PCSK5: variants seen among roughly 807,000 people sequenced by gnomAD.
PCSK5 encodes the protein prohormone convertase 5.
In PCSK5, 129 loss-of-function variants were observed where a neutral mutation model predicts 233.2. That is an observed-to-expected ratio of 0.55 (90% CI 0.48 to 0.64). The LOEUF (loss-of-function observed/expected upper bound fraction) is 0.64, where lower values mean the gene tolerates loss of function less well. Ranked by LOEUF, PCSK5 falls within the 30% of genes least tolerant of loss-of-function variation. PCSK5 has a pLI of 0.00. For synonymous variants in PCSK5, 825 were observed against 879.2 expected (o/e 0.94, Z 1.09); for missense variants, 2,076 against 2,430.1 (o/e 0.85, Z 3.06).
At chr9:75,963,421 C>T (rs1437604566) in intron 2 of PCSK5, among the ~76,000 whole-genome samples, 2 of 152,230 alleles carry the variant, frequency 1.3e-5, no homozygotes, top group Non-Finnish European at 2.9e-5. Context: ...AGAGCGGCAT[C>T]TTCACCTGAA....
intron 5 of PCSK5, among the ~76,000 whole-genome samples, chr9:76,033,904 G>A (rs1488095047): frequency 1.3e-5 from 2 of 152,058 alleles, no homozygotes; most frequent in Admixed American, 6.6e-5. Flanking sequence ...ACACCAACAT[G>A]TTAGGGATTA....
At chr9:76,151,948 G>T (rs1468847805) in intron 10 of PCSK5, among the ~76,000 whole-genome samples, 1 of 152,146 alleles carries the variant, frequency 6.6e-6, no homozygotes, top group East Asian at 1.9e-4. Context: ...CAACCTGAGT[G>T]ATATAATAAT....
At chr9:75,944,401 T>C (rs1463709396) in intron 2 of PCSK5, among the ~76,000 whole-genome samples, 1 of 152,060 alleles carries the variant, frequency 6.6e-6, no homozygotes, top group Non-Finnish European at 1.5e-5. Flanking sequence ...GCCTGATTTT[T>C]AAAAACGATA....
chr9:76,054,882 A>G (rs75213505), intron 5 of PCSK5, among the ~76,000 whole-genome samples: 2,369 of 152,290 alleles, frequency 0.016, 36 homozygotes, highest in Middle Eastern at 0.027. Context: ...TTAACTCACC[A>G]TAAGAAATAT....
intron 12 of PCSK5, among the ~76,000 whole-genome samples, chr9:76,164,840 A>C (rs1236994706): frequency 6.6e-6 from 1 of 152,128 alleles, no homozygotes; most frequent in African/African-American, 2.4e-5. Flanking sequence ...AATGAATTAA[A>C]TCTTGAGGAA....
chr9:76,238,948 T>C lies in PCSK5; in HGVS notation c.2867-11T>C. On this transcript the variant is annotated splice_polypyrimidine_tract_variant and intron_variant, in intron 22 of 37. Coordinates refer to ENST00000674117, the MANE Select transcript of PCSK5 (RefSeq NM_001372043.1). ...ATTTTCCCTCTTTTCGTTGCCCCTG[T>C]AACTGATCAGACAACTATGGCCGAG... The C allele has an allele frequency of 6.2e-7, 1 of 1,604,952 alleles. No individual in the cohort carries two copies. Among genetic ancestry groups the C allele is most frequent in the Non-Finnish European group, 8.5e-7 (1 of 1,173,384 alleles).
At chr9:76,354,610 T>C (rs1173074066) in intron 37 of PCSK5, among the ~76,000 whole-genome samples, 1 of 152,108 alleles carries the variant, frequency 6.6e-6, no homozygotes, top group Non-Finnish European at 1.5e-5. Context: ...CAAATCCCTC[T>C]CTACTAAAAA....
chr9:76,277,639 C>T (rs1181067765), intron 24 of PCSK5, among the ~76,000 whole-genome samples: 1 of 152,210 alleles, frequency 6.6e-6, no homozygotes, highest in Non-Finnish European at 1.5e-5. Flanking sequence ...TATCCCTGGG[C>T]ACCGATGAGG....
chr9:75,902,244 G>A (rs200915127), intron 1 of PCSK5, among the ~76,000 whole-genome samples: 3,467 of 78,598 alleles, frequency 0.044, 53 homozygotes, highest in African/African-American at 0.11. Flanking sequence ...AAAAAAAAAA[G>A]AAAAGGACAA....
chr9:76,329,923 T>C (rs1829478894), intron 33 of PCSK5, among the ~76,000 whole-genome samples: 1 of 152,166 alleles, frequency 6.6e-6, no homozygotes, highest in African/African-American at 2.4e-5. Context: ...AGAGTGTGCA[T>C]GCTTGGCCAG....
At chr9:76,091,376 C>G (rs2131640584) in intron 7 of PCSK5, among the ~76,000 whole-genome samples, 1 of 152,176 alleles carries the variant, frequency 6.6e-6, no homozygotes, top group South Asian at 2.1e-4. Context: ...ATCTCTTCCT[C>G]TGTTTATAAG....
rs545255819 is a variant in PCSK5 at position 76,303,761 on chromosome 9, G to A, written c.3604+1544G>A. On this transcript the variant is annotated intron_variant, in intron 28 of 37. Transcript: ENST00000674117. ...GAATCGGTTACTTTGAGAGGCATGC[G>A]GAACACCTTTGTGACAATCCTGTGG... Among the ~76,000 whole-genome samples the A allele has an allele frequency of 8.5e-5, 13 of 152,246 alleles. 1 individual carries two copies. Among genetic ancestry groups the A allele is most frequent in the South Asian group, 8.3e-4 (4 of 4,812 alleles).
At chr9:75,999,610 T>G (rs578128911) in intron 3 of PCSK5, among the ~76,000 whole-genome samples, 150 of 152,370 alleles carry the variant, frequency 9.8e-4, no homozygotes, top group African/African-American at 3.5e-3. Context: ...TAAGAATGCC[T>G]TTAAGCGGTT....
At position 75,973,878 on chromosome 9, in the gene PCSK5, G is replaced by A. The variant is rs146947387; in HGVS notation, c.298-12254G>A. Among the ~76,000 whole-genome samples, 11 of 152,290 alleles carry A rather than the reference G, an allele frequency of 7.2e-5. No individual in the cohort carries two copies. The East Asian group carries it at 2.1e-3, about 30-fold the overall frequency. On this transcript the variant is annotated intron_variant, in intron 2 of 37. Coordinates refer to ENST00000674117, the MANE Select transcript of PCSK5 (RefSeq NM_001372043.1). ...GGCAGAGGGCCGAGGAGTGGAGAGA[G>A]AGAACTGGTGATAGGTACCTTCCTT...
chr9:75,890,470 T>C (rs867543526), upstream of PCSK5, among the ~76,000 whole-genome samples: 1 of 152,140 alleles, frequency 6.6e-6, no homozygotes, highest in African/African-American at 2.4e-5. Context: ...CTCTTCTCAG[T>C]CCTTTGGAAA....
chr9:76,192,444 T>C (rs148009432), intron 20 of PCSK5, among the ~76,000 whole-genome samples: 9 of 152,358 alleles, frequency 5.9e-5, no homozygotes, highest in Admixed American at 2.6e-4. Context: ...ATTTTTTACA[T>C]TTTATCATCT....
chr9:75,992,552 C>T (rs1826813858), intron 3 of PCSK5, among the ~76,000 whole-genome samples: 2 of 151,946 alleles, frequency 1.3e-5, no homozygotes, highest in Non-Finnish European at 2.9e-5. Context: ...TTGGAGAATC[C>T]CGTAGTAAAT....
intron 10 of PCSK5, among the ~76,000 whole-genome samples, chr9:76,148,362 C>CCCT (rs1823536528): frequency 7.6e-6 from 1 of 132,408 alleles, no homozygotes; most frequent in African/African-American, 2.9e-5. Context: ...CCTCTCTCTC[C>CCCT]CTCTCTCTCC....
chr9:76,162,669 T>C (rs1250370012), intron 12 of PCSK5, among the ~76,000 whole-genome samples: 2 of 152,106 alleles, frequency 1.3e-5, no homozygotes, highest in African/African-American at 4.8e-5. Context: ...AGGAGGACCA[T>C]GTAAAGCAAA....
Sources: gnomAD v4.1 joint callset for allele counts (sites outside exome capture counted in the v4.1 genomes callset) on GRCh38, gnomAD v4.1.1 for gene constraint, MANE v1.5 for transcripts, NCBI Gene and HGNC (gene_info 2026-07-23, HGNC 2026-07-21) for gene names.